Variants in CFAP95 observed in about 807,000 individuals in gnomAD.
CFAP95 encodes cilia and flagella associated protein 95.
chr9:69,884,551 G>A, the CFAP95 span: 1 of 152,064 alleles, frequency 6.6e-6, no homozygotes, highest in Non-Finnish European at 1.5e-5. Flanking sequence ...ACACCCCATA[G>A]GCATACAGCA....
At chr9:69,824,422 C>CT in the CFAP95 span, among the ~76,000 whole-genome samples, 1 of 18,482 alleles carries the variant, frequency 5.4e-5, no homozygotes, top group African/African-American at 6.9e-5. Flanking sequence ...ATTCTCAGAG[C>CT]GGAAAAAAGG....
chr9:69,871,257 G>A, the CFAP95 span, among the ~76,000 whole-genome samples: 27 of 152,064 alleles, frequency 1.8e-4, no homozygotes, highest in South Asian at 5.2e-3. Flanking sequence ...AAGGCAGGGA[G>A]GAGCAGGACC....
At chr9:69,850,711 A>G in the CFAP95 span, among the ~76,000 whole-genome samples, 42 of 152,318 alleles carry the variant, frequency 2.8e-4, no homozygotes, top group Middle Eastern at 3.4e-3. Flanking sequence ...TTTAAATGCC[A>G]TTGCAGGGGA....
chr9:69,895,256 T>A, the CFAP95 span, among the ~76,000 whole-genome samples: 1 of 152,006 alleles, frequency 6.6e-6, no homozygotes, highest in Admixed American at 6.5e-5. Flanking sequence ...AGGAATTCAG[T>A]CTCAAGATTG....
chr9:69,883,583 G>A, the CFAP95 span, among the ~76,000 whole-genome samples: 3 of 152,138 alleles, frequency 2.0e-5, no homozygotes, highest in African/African-American at 7.2e-5. Context: ...CCCTGTTCAG[G>A]TTTTGGATTT....
the CFAP95 span, among the ~76,000 whole-genome samples, chr9:69,899,972 T>C: frequency 6.6e-6 from 1 of 152,218 alleles, no homozygotes; most frequent in Non-Finnish European, 1.5e-5. Flanking sequence ...ATCAAAACCA[T>C]GAGTACAACT....
At chr9:69,905,186 C>T in the CFAP95 span, among the ~76,000 whole-genome samples, 1 of 152,076 alleles carries the variant, frequency 6.6e-6, no homozygotes, top group South Asian at 2.1e-4. Flanking sequence ...TTGACAAAAC[C>T]CATCTAAGAT....
At chr9:69,884,334 G>C in the CFAP95 span, 1 of 152,116 alleles carries the variant, frequency 6.6e-6, no homozygotes, top group Non-Finnish European at 1.5e-5. Context: ...TGCTGCTATA[G>C]CTCATGGCAG....
chr9:69,895,365 C>CTGTG, the CFAP95 span, among the ~76,000 whole-genome samples: 1,733 of 107,874 alleles, frequency 0.016, 23 homozygotes, highest in South Asian at 0.024. Context: ...CTCTCTCTCT[C>CTGTG]TCTCTGTGTG....
the CFAP95 span, among the ~76,000 whole-genome samples, chr9:69,899,783 C>T: frequency 1.3e-5 from 2 of 152,200 alleles, no homozygotes; most frequent in African/African-American, 4.8e-5. Flanking sequence ...AAACTCTGGG[C>T]ACTGAGTCTG....
chr9:69,899,518 CT>C, the CFAP95 span, among the ~76,000 whole-genome samples: 1 of 152,228 alleles, frequency 6.6e-6, no homozygotes, highest in Admixed American at 6.5e-5. Flanking sequence ...CTCTCCCATC[CT>C]GTGTGTGCAG....
the CFAP95 span, among the ~76,000 whole-genome samples, chr9:69,837,860 T>G: frequency 6.6e-6 from 1 of 152,220 alleles, no homozygotes; most frequent in Non-Finnish European, 1.5e-5. Context: ...TTTTCATGGT[T>G]TTAGGTCTAA....
the CFAP95 span, chr9:69,821,166 G>A: frequency 1.0e-6 from 1 of 958,282 alleles, no homozygotes; most frequent in Admixed American, 3.1e-5. Flanking sequence ...AAAAAAGAAT[G>A]AGAAAAGTGG....
the CFAP95 span, among the ~76,000 whole-genome samples, chr9:69,895,369 C>CTCTCTCTCTCTGTGTGTGTGTG: frequency 1.5e-4 from 16 of 107,920 alleles, no homozygotes; most frequent in African/African-American, 1.5e-4. Flanking sequence ...CTCTCTCTCT[C>CTCTCTCTCTCTGTGTGTGTGTG]TGTGTGTGTG....
chr9:69,842,716 T>G, the CFAP95 span, among the ~76,000 whole-genome samples: 1 of 152,220 alleles, frequency 6.6e-6, no homozygotes, highest in Admixed American at 6.5e-5. Flanking sequence ...GCTTGTGTTG[T>G]CCAATATCCC....
At chr9:69,896,830 A>G in the CFAP95 span, among the ~76,000 whole-genome samples, 1 of 152,182 alleles carries the variant, frequency 6.6e-6, no homozygotes, top group Non-Finnish European at 1.5e-5. Flanking sequence ...TCAAACCTGC[A>G]GTGAGCTATG....
the CFAP95 span, among the ~76,000 whole-genome samples, chr9:69,897,366 A>C: frequency 6.6e-6 from 1 of 152,190 alleles, no homozygotes. Flanking sequence ...GTTAGTTTGC[A>C]CTGACTAATT....
At chr9:69,869,035 A>G in the CFAP95 span, among the ~76,000 whole-genome samples, 1 of 152,208 alleles carries the variant, frequency 6.6e-6, no homozygotes, top group Non-Finnish European at 1.5e-5. Context: ...GAACCCTTGA[A>G]CACTGTTGGT....
chr9:69,851,575 CT>C, the CFAP95 span, among the ~76,000 whole-genome samples: 1 of 151,946 alleles, frequency 6.6e-6, no homozygotes, highest in Admixed American at 6.6e-5. Flanking sequence ...CTAGAAGAGC[CT>C]TTTGTGTTTA....
Sources: allele counts gnomAD v4.1 joint callset (sites outside exome capture counted in the v4.1 genomes callset), GRCh38; gene constraint gnomAD v4.1.1; transcripts MANE v1.5; gene names NCBI Gene and HGNC (gene_info 2026-07-23, HGNC 2026-07-21).